Variants in EIF2AK1 observed in about 807,000 individuals in gnomAD.
The protein encoded by EIF2AK1 is eukaryotic translation initiation factor 2 alpha kinase 1, also known as eukaryotic translation initiation factor 2-alpha kinase 1.
Under a neutral mutation model 77.9 loss-of-function variants are expected in EIF2AK1, and 54 were observed. The observed-to-expected ratio is 0.69, with a 90% confidence interval of 0.56 to 0.87. EIF2AK1 has a LOEUF of 0.87. Among genes scored for constraint, EIF2AK1 ranks in the 40% least tolerant of loss-of-function variants. The pLI, the probability that EIF2AK1 is intolerant of heterozygous loss-of-function variation, is 0.00. For synonymous variants in EIF2AK1, 314 were observed against 290.5 expected (o/e 1.08, Z -0.82); for missense variants, 810 against 768.6 (o/e 1.05, Z -0.64).
At position 6,048,803 on chromosome 7, in the gene EIF2AK1, A is replaced by G. The variant is rs1474804848; in HGVS notation, c.449+4T>C. On this transcript the variant is annotated splice_donor_region_variant and intron_variant, in intron 4 of 14. Transcript: ENST00000199389. ...GCATAATCAAGAAAGTTTTTCACAC[A>G]TACCTGATTTTCTGGATACGAGAAA... 6.3e-7 allele frequency: 1 copy of G among 1,586,042 alleles called. No homozygotes were observed. Among genetic ancestry groups the G allele is most frequent in the Admixed American group, 1.9e-5 (1 of 52,198 alleles).
rs997225850 is a variant in EIF2AK1, at chr7:6,032,840, C to A, written c.1333-3808G>T. 1.3e-6 allele frequency: 2 copies of A among 1,550,632 alleles called. No individual in the cohort carries two copies. Among genetic ancestry groups the A allele is most frequent in the South Asian group, 1.2e-5 (1 of 84,048 alleles). On this transcript the variant is annotated intron_variant, in intron 11 of 14. Transcript: ENST00000199389. The surrounding 1 kb of genome is among the most constrained non-coding windows in gnomAD (Gnocchi z 4.3). ...ATGTGTTTTGTTTTCCCTCCAAAGC[C>A]GACAGAGTCTATCATCCCCATCCAT...
intron 2 of EIF2AK1, among the ~76,000 whole-genome samples, chr7:6,050,664 G>A (rs1788583761): frequency 6.9e-6 from 1 of 144,978 alleles, no homozygotes; most frequent in Non-Finnish European, 1.5e-5. Context: ...GTGCACTGGC[G>A]CGATCTCGGC....
At position 6,026,937 on chromosome 7, in the gene EIF2AK1, C is replaced by T; in HGVS notation, c.1555G>A (p.Val519Ile). ...AKSDMYSLGV[V>I]LLELFQPFGT... is the part of the protein sequence containing the mutation. ...AACGGCTGAAAGAGCTCTAGCAGGA[C>T]CACACCCAAGCTGTACATATCTGAC... The change falls in exon 14 of 15, where the codon GTC (valine) becomes ATC (isoleucine). Residue 519 changes from valine to isoleucine, a missense_variant. This residue lies in a region of EIF2AK1 where 549 missense variants were observed against 533.7 expected (regional missense o/e 1.03). Coordinates refer to ENST00000199389, the MANE Select transcript of EIF2AK1 (RefSeq NM_014413.4). 1.2e-6 allele frequency: 2 copies of T among 1,614,030 alleles called. No individual in the cohort carries two copies. The highest frequency in any genetic ancestry group is 1.7e-6 in the Non-Finnish European group (2 of 1,180,012).
chr7:6,040,761 G>C, intron 9 of EIF2AK1, 131 bp downstream of exon 9: 1 of 761,578 alleles, frequency 1.3e-6, no homozygotes. Flanking sequence ...CCATGGCAAG[G>C]GGAACATGGC....
chr7:6,037,344 T>C (rs1788137623), intron 11 of EIF2AK1, 80 bp downstream of exon 11: 1 of 874,072 alleles, frequency 1.1e-6, no homozygotes, highest in South Asian at 1.5e-5. Context: ...TGTAATCTTA[T>C]TTAGTTTAAT....
intron 14 of EIF2AK1, chr7:6,026,489 G>T: frequency 1.5e-6 from 1 of 668,562 alleles, no homozygotes; most frequent in Non-Finnish European, 2.8e-6. Flanking sequence ...GTGAACACCA[G>T]CAGATACCTC....
chr7:6,030,079 A>C (rs1787861947), intron 11 of EIF2AK1, among the ~76,000 whole-genome samples: 1 of 152,226 alleles, frequency 6.6e-6, no homozygotes, highest in South Asian at 2.1e-4. Context: ...AAGGCATGAT[A>C]AATCTAAGCA....
chr7:6,048,754 A>C, intron 4 of EIF2AK1, 53 bp downstream of exon 4: 1 of 1,383,270 alleles, frequency 7.2e-7, no homozygotes, highest in Non-Finnish European at 1.0e-6. Context: ...TATTTTCTTA[A>C]TTTTGATTTC....
chr7:6,034,808 GC>G (rs1343715012), intron 11 of EIF2AK1, among the ~76,000 whole-genome samples: 1 of 152,202 alleles, frequency 6.6e-6, no homozygotes, highest in East Asian at 1.9e-4. Flanking sequence ...GTTGTAAAAT[GC>G]CCATTCCACC....
intron 10 of EIF2AK1, among the ~76,000 whole-genome samples, chr7:6,037,810 CTT>C (rs1290847048): frequency 6.6e-6 from 1 of 151,704 alleles, no homozygotes; most frequent in Non-Finnish European, 1.5e-5. Context: ...GTATTAATGA[CTT>C]TTTAAATAAT....
Position 6,036,738 on chromosome 7 carries a change from A to G in EIF2AK1, c.1332+686T>C, listed in dbSNP as rs1181883451. ...TAGACTTTTCTAAAACAGCAAAAAA[A>G]CTTCCGATTTTGTTAAACTTTAAGA... On this transcript the variant is annotated intron_variant, in intron 11 of 14. Transcript: ENST00000199389. This position sits in a 1 kb window ranked among gnomAD's most constrained non-coding sequence, Gnocchi z 4.6. Among the ~76,000 whole-genome samples, 2 of 152,162 alleles carry G rather than the reference A, an allele frequency of 1.3e-5. No individual in the cohort carries two copies. The highest frequency in any genetic ancestry group is 2.9e-5 in the Non-Finnish European group (2 of 68,036).
In EIF2AK1 at chr7:6,035,310, G is replaced by A; in HGVS notation, c.1332+2114C>T. On this transcript the variant is annotated intron_variant, in intron 11 of 14. Transcript: ENST00000199389. The surrounding 1 kb of genome is among the most constrained non-coding windows in gnomAD (Gnocchi z 5.5). ...GCCTGAGAAACTACCCAGCGATACAGATTTTGAAACACGTCCTTAAGGTAA... is the reference window on the plus strand; with the variant it reads ...GCCTGAGAAACTACCCAGCGATACAAATTTTGAAACACGTCCTTAAGGTAA... 1.1e-6 allele frequency: 1 copy of A among 933,380 alleles called. No homozygotes were observed. Among genetic ancestry groups the A allele is most frequent in the African/African-American group, 1.7e-5 (1 of 59,982 alleles). The allele number at this position is 933,380 out of a possible 1,614,324, so 57.8% of individuals were successfully genotyped here.
Position 6,028,916 on chromosome 7 carries a change from A to C in EIF2AK1, c.1447+2T>G. 2 of 1,594,696 alleles carry C rather than the reference A, an allele frequency of 1.3e-6. No homozygotes were observed. The highest frequency in any genetic ancestry group is 1.7e-6 in the Non-Finnish European group (2 of 1,174,820). Reference sequence around the variant, plus strand: ...GAAAACAAAACAAAACCAAAAACTTACTCTTCCCGTTTCTGTTGGTCCAGT... The same window carrying C: ...GAAAACAAAACAAAACCAAAAACTTCCTCTTCCCGTTTCTGTTGGTCCAGT... On this transcript the variant is annotated splice_donor_variant, in intron 12 of 14. Coordinates refer to ENST00000199389, the MANE Select transcript of EIF2AK1 (RefSeq NM_014413.4). LOFTEE classifies it high-confidence loss of function.
rs58804557 is a variant in EIF2AK1 at position 6,055,342 on chromosome 7, C to CAAAAAAAAAAAAAAAAAAAAA, written c.119-659_119-639dup. 2.8e-5 allele frequency among the ~76,000 whole-genome samples: 2 copies of CAAAAAAAAAAAAAAAAAAAAA among 70,222 alleles called. 1 individual carries two copies. Among genetic ancestry groups the CAAAAAAAAAAAAAAAAAAAAA allele is most frequent in the African/African-American group, 1.2e-4 (2 of 16,354 alleles). The allele number at this position is 70,222 out of a possible 152,430, so 46.1% of individuals were successfully genotyped here. ...TGGCAACAAGAGCGAAACTCCGTCT[C>CAAAAAAAAAAAAAAAAAAAAA]AAAAAAAAAAAAAAAAAAAAAGAAG... is the stretch of plus-strand genomic sequence containing the variant. On this transcript the variant is annotated intron_variant, in intron 1 of 14. Coordinates refer to ENST00000199389, the MANE Select transcript of EIF2AK1 (RefSeq NM_014413.4).
intron 2 of EIF2AK1, among the ~76,000 whole-genome samples, chr7:6,053,721 G>A (rs1187362991): frequency 7.2e-6 from 1 of 138,962 alleles, no homozygotes; most frequent in African/African-American, 2.7e-5. Flanking sequence ...AGGCTGGAGT[G>A]CAGTGGCGTG....
At chr7:6,058,799 G>A (rs1345089144) in intron 1 of EIF2AK1, among the ~76,000 whole-genome samples, 167 bp downstream of exon 1, 1 of 152,238 alleles carries the variant, frequency 6.6e-6, no homozygotes, top group East Asian at 1.9e-4. Context: ...TTACCCGACG[G>A]CCCGCCCGCC....
At chr7:6,047,919 C>A (rs1193459686) in intron 4 of EIF2AK1, 1 of 152,126 alleles carries the variant, frequency 6.6e-6, no homozygotes, top group African/African-American at 2.4e-5. Context: ...AATGTGGACA[C>A]CAGACTGGCA....
intron 11 of EIF2AK1, chr7:6,031,241 T>G (rs1434908868): frequency 4.9e-6 from 4 of 822,190 alleles, no homozygotes; most frequent in African/African-American, 1.7e-5. Context: ...TCCAAACTGA[T>G]GGATTGCCTT....
chr7:6,042,395 G>C (rs372345754), intron 8 of EIF2AK1, among the ~76,000 whole-genome samples: 189 of 150,906 alleles, frequency 1.3e-3, no homozygotes, highest in African/African-American at 4.4e-3. Context: ...AGGTTGCAGT[G>C]AGCTGAGATC....
Sources: allele counts gnomAD v4.1 joint callset (sites outside exome capture counted in the v4.1 genomes callset), GRCh38; gene constraint gnomAD v4.1.1; regional missense constraint gnomAD v4.1.1; non-coding constraint Gnocchi (gnomAD v3.1); transcripts MANE v1.5; gene names NCBI Gene and HGNC (gene_info 2026-07-23, HGNC 2026-07-21).